P2RX6: variants seen among roughly 807,000 people sequenced by gnomAD.
P2RX6 encodes the protein purinergic receptor P2X 6.
A neutral mutation model predicts 54.2 loss-of-function variants in P2RX6; 62 were observed. The observed-to-expected ratio is 1.14, with a 90% confidence interval of 0.93 to 1.41. The LOEUF (loss-of-function observed/expected upper bound fraction) is 1.41. Ranked by LOEUF, P2RX6 falls within the 40% of genes most tolerant of loss-of-function variation. The pLI, the probability that P2RX6 is intolerant of heterozygous loss-of-function variation, is 0.00. For missense variants in P2RX6, 541 were observed against 566.3 expected (o/e 0.96, Z 0.45); for synonymous variants, 211 against 231.9 (o/e 0.91, Z 0.82).
In P2RX6 at chr22:21,023,387, G is replaced by A. The variant is rs1927806794; in HGVS notation, c.751G>A (p.Gly251Arg). ...FRIGDLVAKAGGTFEDLALLG... is the reference protein window; with the variant it reads ...FRIGDLVAKARGTFEDLALLG... Reference sequence around the variant, plus strand: ...CATTGGGGACCTCGTGGCCAAGGCTGGAGGGACCTTCGAGGACCTGGCGTT... The same window carrying A: ...CATTGGGGACCTCGTGGCCAAGGCTAGAGGGACCTTCGAGGACCTGGCGTT... The change falls in exon 7 of 12, where the codon GGA becomes AGA. Residue 251 changes from glycine to arginine, a missense_variant. By Grantham distance (125) the Gly-to-Arg change is moderately radical. Around this residue, in one of 2 missense-constraint regions of P2RX6, gnomAD observed 526 missense variants for 531.5 expected, o/e 0.99. Transcript: ENST00000413302. The A allele has an allele frequency of 1.2e-6, 2 of 1,614,034 alleles. No individual in the cohort carries two copies. Among genetic ancestry groups the A allele is most frequent in the Non-Finnish European group, 8.5e-7 (1 of 1,179,896 alleles).
rs755899333 is a variant in P2RX6, at chr22:21,015,325, G to T, written c.151G>T (p.Val51Phe). Residue 51 changes from valine (V) to phenylalanine (F), a missense_variant, in exon 1 of 12, where the codon GTC becomes TTC. Val to Phe is a conservative substitution (Grantham distance 50, BLOSUM62 -1). This residue lies in a region of P2RX6 where 526 missense variants were observed against 531.5 expected (regional missense o/e 0.99). Transcript: ENST00000413302. ...GAGGCTGCTGCAGTTTGGGATCGTG[G>T]TCTATGTGGTAGGGTAAGAGAGAAG... ...LQRLLQFGIVVYVVGWALLAK... is the reference protein window; with the variant it reads ...LQRLLQFGIVFYVVGWALLAK... The T allele has an allele frequency of 5.5e-5, 86 of 1,562,872 alleles. No individual in the cohort carries two copies. Among genetic ancestry groups the T allele is most frequent in the Admixed American group, 1.0e-4 (5 of 49,176 alleles).
chr22:21,027,102 T>C lies in P2RX6; in HGVS notation c.*485T>C, dbSNP rs12628912. On this transcript the variant is annotated 3_prime_UTR_variant, in exon 12 of 12. Coordinates refer to ENST00000413302, the MANE Select transcript of P2RX6 (RefSeq NM_005446.5). Reference sequence around the variant, plus strand: ...TGCAGCTGGAGCCAAAAAGGCAAGGTAGAAAGAGGAGTGATGGGGGAGGGG... The same window carrying C: ...TGCAGCTGGAGCCAAAAAGGCAAGGCAGAAAGAGGAGTGATGGGGGAGGGG... 5,383 of 165,368 alleles carry C rather than the reference T, an allele frequency of 0.033. 436 individuals carry two copies. Among genetic ancestry groups the C allele is most frequent in the East Asian group, 0.31 (1,733 of 5,562 alleles). 10.2% of individuals were successfully genotyped at this position (165,368 alleles called of 1,614,324 possible).
chr22:21,023,281 T>A lies in P2RX6; in HGVS notation c.645T>A (p.Asn215Lys). 1 of 1,613,948 alleles carries A rather than the reference T, an allele frequency of 6.2e-7. No individual in the cohort carries two copies. Among genetic ancestry groups the A allele is most frequent in the Non-Finnish European group, 8.5e-7 (1 of 1,179,846 alleles). Reference sequence around the variant, plus strand: ...CCTTTCCCACTCCTCCCAGGTCCAATGCCTTGGAGACCTGGGACCCCACCT... The same window carrying A: ...CCTTTCCCACTCCTCCCAGGTCCAAAGCCTTGGAGACCTGGGACCCCACCT... ...TFSKFNFSKSNALETWDPTYF... is the reference protein window; with the variant it reads ...TFSKFNFSKSKALETWDPTYF... Residue 215 changes from asparagine to lysine, a missense_variant, in exon 7 of 12, where the codon AAT (asparagine) becomes AAA (lysine). Asn to Lys is a moderately conservative substitution (Grantham distance 94). Coordinates refer to ENST00000413302, the MANE Select transcript of P2RX6 (RefSeq NM_005446.5).
At chr22:21,014,817 A>G (rs540637394), upstream of P2RX6, among the ~76,000 whole-genome samples, 19 of 152,060 alleles carry the variant, frequency 1.2e-4, no homozygotes, top group South Asian at 3.7e-3. Context: ...CTTCTTCCGG[A>G]AGCTTTCCTC....
chr22:21,019,226 C>T (rs1926942417), intron 3 of P2RX6, among the ~76,000 whole-genome samples: 1 of 152,196 alleles, frequency 6.6e-6, no homozygotes, highest in Non-Finnish European at 1.5e-5. Context: ...ACAGCTGTCC[C>T]CTGAGCCCTG....
chr22:21,018,671 T>C (rs1484146336), intron 3 of P2RX6: 2 of 155,240 alleles, frequency 1.3e-5, no homozygotes, highest in East Asian at 3.8e-4. Flanking sequence ...TGGAGTGCAG[T>C]GGCAGATATC....
intron 8 of P2RX6, among the ~76,000 whole-genome samples, chr22:21,024,874 T>TG (rs1555942059): frequency 2.3e-5 from 2 of 88,046 alleles, no homozygotes; most frequent in Non-Finnish European, 4.3e-5. Flanking sequence ...CCTGTTTTTT[T>TG]TGTGTTTTTT....
intron 3 of P2RX6, among the ~76,000 whole-genome samples, chr22:21,022,053 A>G (rs1166580169): frequency 6.6e-6 from 1 of 152,118 alleles, no homozygotes; most frequent in Non-Finnish European, 1.5e-5. Flanking sequence ...TCACTTCCGC[A>G]TCCACCAGGG....
chr22:21,018,215 A>G (rs571256650), intron 3 of P2RX6, 155 bp downstream of exon 3: 3 of 659,524 alleles, frequency 4.5e-6, no homozygotes, highest in East Asian at 2.8e-5. Flanking sequence ...CTGAATCATT[A>G]TGTTCAGTCT....
rs982385253 is a variant in P2RX6 at position 21,017,034 on chromosome 22, C to A, written c.315+942C>A. On this transcript the variant is annotated intron_variant, in intron 2 of 11. Transcript: ENST00000413302. The stretch of plus-strand genomic sequence containing the variant: ...TGACTCACCCTGGACCCCTTCCTGT[C>A]CCTTCCAAGATTTTTCACCACTACC... Among the ~76,000 whole-genome samples, 16 of 152,294 alleles carry A rather than the reference C, an allele frequency of 1.1e-4. 2 individuals are homozygous for A. The South Asian group carries it at 2.7e-3, about 26-fold the overall frequency.
In P2RX6 at chr22:21,026,236, G is replaced by A; in HGVS notation, c.1051-16G>A. 6.3e-7 allele frequency: 1 copy of A among 1,580,044 alleles called. No homozygotes were observed. Among genetic ancestry groups the A allele is most frequent in the South Asian group, 1.2e-5 (1 of 86,378 alleles). ...GGCTCGGGGGCTGGAACATGGGTTG[G>A]CCCTGCCTCTCCCAGGTCACCTTTT... On this transcript the variant is annotated splice_polypyrimidine_tract_variant and intron_variant, in intron 10 of 11. Coordinates refer to ENST00000413302, the MANE Select transcript of P2RX6 (RefSeq NM_005446.5). This position sits in a 1 kb window ranked among gnomAD's most constrained non-coding sequence, Gnocchi z 4.0.
chr22:21,013,373 A>C (rs1026945935), upstream of P2RX6, among the ~76,000 whole-genome samples: 2 of 152,246 alleles, frequency 1.3e-5, no homozygotes, highest in Non-Finnish European at 2.9e-5. Flanking sequence ...TCTTTTCCTT[A>C]AAGTCATACA....
At chr22:21,016,433 C>T (rs4820728) in intron 2 of P2RX6, among the ~76,000 whole-genome samples, 31,885 of 151,736 alleles carry the variant, frequency 0.21, 4,247 homozygotes, top group African/African-American at 0.38. Context: ...ATTAAAAATA[C>T]AAAAAATTAG....
At chr22:21,019,372 A>G (rs547141785) in intron 3 of P2RX6, among the ~76,000 whole-genome samples, 1 of 152,250 alleles carries the variant, frequency 6.6e-6, no homozygotes, top group South Asian at 2.1e-4. Context: ...CTGGAGTTCA[A>G]TGGCACGATC....
At chr22:21,019,663 A>T (rs116207221) in intron 3 of P2RX6, among the ~76,000 whole-genome samples, 1 of 152,240 alleles carries the variant, frequency 6.6e-6, no homozygotes, top group Non-Finnish European at 1.5e-5. Flanking sequence ...AGACAAACAC[A>T]CATAAATATA....
chr22:21,017,737 C>T (rs767453974), intron 2 of P2RX6, among the ~76,000 whole-genome samples: 7 of 151,908 alleles, frequency 4.6e-5, no homozygotes, highest in African/African-American at 7.3e-5. Flanking sequence ...TACACATGCA[C>T]ACACACACAC....
Position 21,025,786 on chromosome 22 carries a change from C to G in P2RX6, c.891-19C>G, listed in dbSNP as rs1427237306. Reference sequence around the variant, plus strand: ...GGGTGGGCAAAGCAGGTCACCAGAGCCTTCTTTCCTGCCCACAGGACAGCC... The same window carrying G: ...GGGTGGGCAAAGCAGGTCACCAGAGGCTTCTTTCCTGCCCACAGGACAGCC... On this transcript the variant is annotated intron_variant, in intron 8 of 11. Coordinates refer to ENST00000413302, the MANE Select transcript of P2RX6 (RefSeq NM_005446.5). 3 of 1,545,446 alleles carry G rather than the reference C, an allele frequency of 1.9e-6. No individual in the cohort carries two copies. Among genetic ancestry groups the G allele is most frequent in the Non-Finnish European group, 1.8e-6 (2 of 1,142,138 alleles).
rs373845875 is a variant in P2RX6 at position 21,023,353 on chromosome 22, C to T, written c.717C>T (p.Pro239=). 81 of 1,613,836 alleles carry T rather than the reference C, an allele frequency of 5.0e-5. No homozygotes were observed. The highest frequency in any genetic ancestry group is 4.9e-4 in the Middle Eastern group (3 of 6,082). The change falls in exon 7 of 12, where the codon CCC becomes CCT. Residue 239 remains proline, a synonymous_variant. Transcript: ENST00000413302. ...RYEPQFSPYC[P]VFRIGDLVAK... The stretch of plus-strand genomic sequence containing the variant: ...AACCACAATTCAGCCCCTACTGTCC[C>T]GTGTTCCGCATTGGGGACCTCGTGG...
chr22:21,026,388 C>A lies in P2RX6; in HGVS notation c.1129-32C>A, dbSNP rs764630078. ...TCTGCCACACTTAGGAAGATGTTGGCTGGATCCCTGACCTGCTGTCCTCAT... is the reference window on the plus strand; with the variant it reads ...TCTGCCACACTTAGGAAGATGTTGGATGGATCCCTGACCTGCTGTCCTCAT... On this transcript the variant is annotated intron_variant, in intron 11 of 11. Transcript: ENST00000413302. The surrounding 1 kb of genome is among the most constrained non-coding windows in gnomAD (Gnocchi z 4.0). 1 of 1,587,402 alleles carries A rather than the reference C, an allele frequency of 6.3e-7. No individual in the cohort carries two copies.
Sources: allele counts gnomAD v4.1 joint callset (sites outside exome capture counted in the v4.1 genomes callset), GRCh38; gene constraint gnomAD v4.1.1; regional missense constraint gnomAD v4.1.1; non-coding constraint Gnocchi (gnomAD v3.1); transcripts MANE v1.5; gene names NCBI Gene and HGNC (gene_info 2026-07-23, HGNC 2026-07-21).